Variants in ZNF227 observed in about 807,000 individuals in gnomAD.
The protein encoded by ZNF227 is zinc finger protein 227.
ZNF227 carries 12 observed loss-of-function variants against 13.2 expected under a neutral mutation model. The ratio of observed to expected loss-of-function variants is 0.91; its 90% CI spans 0.58 to 1.47. The LOEUF is 1.47. ZNF227 is among the 40% of genes most tolerant of loss of function. The pLI is 0.00. For missense variants in ZNF227, 885 were observed against 967.5 expected, an observed-to-expected ratio of 0.91 and a Z score of 1.13; for synonymous variants, 338 against 326.0, an observed-to-expected ratio of 1.04 and a Z score of -0.40.
At chr19:44,212,468 G>C (rs1211513461), upstream of ZNF227, 1 of 150,972 alleles carries the variant, frequency 6.6e-6, no homozygotes, top group East Asian at 2.0e-4. Flanking sequence ...ACTCTGTCCG[G>C]AAACAATTGG....
intron 5 of ZNF227, among the ~76,000 whole-genome samples, chr19:44,230,814 G>A (rs949681179): frequency 6.7e-6 from 1 of 148,178 alleles, no homozygotes; most frequent in African/African-American, 2.5e-5. Flanking sequence ...GTACATACCT[G>A]TAATCCTGGC....
rs1157783420 is a variant in ZNF227, at chr19:44,217,778, T to G, written c.-2-13T>G. On this transcript the variant is annotated splice_polypyrimidine_tract_variant and intron_variant, in intron 2 of 5. Transcript: ENST00000313040. ...GCAGGCTTGTGTCTCATGGCGTCTT[T>G]GGTCTCCCCCAGTTATGCCATCTCA... 9.3e-6 allele frequency: 15 copies of G among 1,614,210 alleles called. No homozygotes were observed. Among genetic ancestry groups the G allele is most frequent in the Non-Finnish European group, 1.2e-5 (14 of 1,180,008 alleles).
chr19:44,222,070 T>A (rs1354335071), intron 3 of ZNF227, among the ~76,000 whole-genome samples: 2 of 152,288 alleles, frequency 1.3e-5, no homozygotes, highest in South Asian at 2.1e-4. Flanking sequence ...ATCAGATAGT[T>A]GTAGATCTGT....
chr19:44,226,176 T>G (rs1234442266), intron 3 of ZNF227, among the ~76,000 whole-genome samples: 1 of 152,194 alleles, frequency 6.6e-6, no homozygotes, highest in African/African-American at 2.4e-5. Flanking sequence ...CTGTGTGAGG[T>G]GTCAGTCTGC....
chr19:44,236,070 C>T lies in ZNF227; in HGVS notation c.1640C>T (p.Pro547Leu), dbSNP rs1398723052. 1 of 1,614,070 alleles carries T rather than the reference C, an allele frequency of 6.2e-7. No homozygotes were observed. Among genetic ancestry groups the T allele is most frequent in the Non-Finnish European group, 8.5e-7 (1 of 1,179,984 alleles). ...THQRVHTGEK[P>L]YRCDVCGKDF... is the part of the protein sequence containing the mutation. ...CAGCGAGTCCACACTGGAGAGAAAC[C>T]ATATAGATGTGATGTGTGTGGTAAG... is the stretch of plus-strand genomic sequence containing the variant. Residue 547 changes from proline (P) to leucine (L), a missense_variant, in exon 6 of 6, where the codon CCA becomes CTA. Coordinates refer to ENST00000313040, the MANE Select transcript of ZNF227 (RefSeq NM_182490.3).
intron 3 of ZNF227, among the ~76,000 whole-genome samples, chr19:44,226,452 G>A (rs548696588): frequency 2.6e-4 from 39 of 152,316 alleles, no homozygotes; most frequent in African/African-American, 9.4e-4. Context: ...AGGCTGCTTT[G>A]TTTACCTAAT....
chr19:44,207,962 T>A (rs1971249192), upstream of ZNF227: 1 of 152,238 alleles, frequency 6.6e-6, no homozygotes, highest in Non-Finnish European at 1.5e-5. Flanking sequence ...CCTTGTACTT[T>A]TATACGAATT....
At chr19:44,228,226 C>T in intron 3 of ZNF227, 1 of 438,430 alleles carries the variant, frequency 2.3e-6, no homozygotes, top group South Asian at 4.1e-5. Context: ...GAGACTCCAT[C>T]TCAAAAAAGA....
intron 3 of ZNF227, among the ~76,000 whole-genome samples, chr19:44,225,983 G>T (rs1481619565): frequency 6.6e-6 from 1 of 152,218 alleles, no homozygotes; most frequent in Non-Finnish European, 1.5e-5. Context: ...CCTTCTAACA[G>T]ACAGGACCCT....
At chr19:44,219,655 C>A (rs1168157717) in intron 3 of ZNF227, among the ~76,000 whole-genome samples, 1 of 151,784 alleles carries the variant, frequency 6.6e-6, no homozygotes, top group African/African-American at 2.4e-5. Context: ...TCTAGAGATT[C>A]AGGAATGCTT....
intron 5 of ZNF227, among the ~76,000 whole-genome samples, chr19:44,231,304 G>A (rs1204696531): frequency 6.6e-6 from 1 of 151,776 alleles, no homozygotes; most frequent in Non-Finnish European, 1.5e-5. Flanking sequence ...TAATAGAGAT[G>A]GGGTTTCACC....
intron 3 of ZNF227, among the ~76,000 whole-genome samples, chr19:44,221,193 G>A (rs1350854733): frequency 6.6e-6 from 1 of 152,068 alleles, no homozygotes; most frequent in Non-Finnish European, 1.5e-5. Context: ...AAAATGATGA[G>A]TTCATGTCCT....
At chr19:44,226,035 AC>A (rs1016906833) in intron 3 of ZNF227, among the ~76,000 whole-genome samples, 6 of 152,130 alleles carry the variant, frequency 3.9e-5, no homozygotes, top group African/African-American at 1.4e-4. Flanking sequence ...TCCACTCCAG[AC>A]CCTTTTTGCC....
intron 5 of ZNF227, among the ~76,000 whole-genome samples, chr19:44,230,926 A>AAAAAAAATATATATATATAT (rs1555792168): frequency 2.9e-5 from 2 of 68,116 alleles, no homozygotes; most frequent in Admixed American, 2.2e-4. Flanking sequence ...AAAAAAAAAA[A>AAAAAAAATATATATATATAT]ATATATATAT....
chr19:44,211,508 C>A (rs1221986778), upstream of ZNF227, among the ~76,000 whole-genome samples: 1 of 152,148 alleles, frequency 6.6e-6, no homozygotes, highest in Non-Finnish European at 1.5e-5. Flanking sequence ...GGTTTAAACA[C>A]TGAAGTAATA....
At chr19:44,229,943 A>T (rs1410366111) in intron 5 of ZNF227, 127 bp downstream of exon 5, 4 of 510,740 alleles carry the variant, frequency 7.8e-6, no homozygotes, top group Non-Finnish European at 1.3e-5. Context: ...AATAGCTTCC[A>T]TGCTGGTCTC....
upstream of ZNF227, among the ~76,000 whole-genome samples, chr19:44,208,124 T>C (rs1289463536): frequency 1.3e-5 from 2 of 152,224 alleles, no homozygotes; most frequent in Non-Finnish European, 2.9e-5. Context: ...GTAGGCAATC[T>C]AAAGAAAAAT....
At chr19:44,210,959 C>T (rs1290699515), upstream of ZNF227, among the ~76,000 whole-genome samples, 2 of 151,918 alleles carry the variant, frequency 1.3e-5, no homozygotes, top group East Asian at 1.9e-4. Context: ...TTTGGGAGGC[C>T]GGGGCGGGTG....
rs375450635 is a variant in ZNF227, at chr19:44,226,433, C to T, written c.61-2013C>T. Among the ~76,000 whole-genome samples the T allele has an allele frequency of 5.8e-4, 89 of 152,344 alleles. No homozygotes were observed. The East Asian group carries it at 0.014, about 24-fold the overall frequency. ...GAGCTGTGGTGGGCTCCACCCAGTT[C>T]GAGCTTCCAGGCTGCTTTGTTTACC... On this transcript the variant is annotated intron_variant, in intron 3 of 5. Transcript: ENST00000313040.
Sources: gnomAD v4.1 joint callset for allele counts (sites outside exome capture counted in the v4.1 genomes callset) on GRCh38, gnomAD v4.1.1 for gene constraint, MANE v1.5 for transcripts, NCBI Gene and HGNC (gene_info 2026-07-23, HGNC 2026-07-21) for gene names.